DIP2B: variants seen among roughly 807,000 people sequenced by gnomAD.
DIP2B encodes the protein disco-interacting protein 2 homolog B.
A neutral mutation model predicts 198.0 loss-of-function variants in DIP2B; 76 were observed. The observed-to-expected ratio is 0.38, with a 90% CI of 0.32 to 0.46. DIP2B has a LOEUF of 0.46. Ranked by LOEUF, DIP2B falls within the 20% of genes least tolerant of loss-of-function variation. DIP2B has a pLI of 0.99. For missense variants in DIP2B, 1,559 were observed against 1,978.4 expected (o/e 0.79, Z 4.02); for synonymous variants, 701 against 739.1 (o/e 0.95, Z 0.84).
intron 35 of DIP2B, 112 bp downstream of exon 35, chr12:50,737,222 A>C (rs1940153384): frequency 1.0e-6 from 1 of 986,348 alleles, no homozygotes; most frequent in Non-Finnish European, 1.5e-6. Flanking sequence ...TTGTGAATGG[A>C]GTTAATTTTT....
intron 1 of DIP2B, among the ~76,000 whole-genome samples, chr12:50,561,456 A>C (rs967405514): frequency 7.9e-5 from 12 of 152,082 alleles, no homozygotes; most frequent in African/African-American, 2.2e-4. Context: ...GAGAGCTACA[A>C]ATCTGTCTTA....
intron 2 of DIP2B, among the ~76,000 whole-genome samples, chr12:50,632,679 G>A (rs1404128860): frequency 6.6e-6 from 1 of 151,422 alleles, no homozygotes; most frequent in East Asian, 2.0e-4. Flanking sequence ...CAGGATTACA[G>A]GCATGTGCTA....
Position 50,607,943 on chromosome 12 carries a change from G to A in DIP2B, c.101-18033G>A, listed in dbSNP as rs149246739. Among the ~76,000 whole-genome samples the A allele has an allele frequency of 1.7e-3, 255 of 152,214 alleles. 1 individual carries two copies. Among genetic ancestry groups the A allele is most frequent in the Middle Eastern group, 3.4e-3 (1 of 294 alleles). On this transcript the variant is annotated intron_variant, in intron 1 of 37. Coordinates refer to ENST00000301180, the MANE Select transcript of DIP2B (RefSeq NM_173602.3). The stretch of plus-strand genomic sequence containing the variant: ...TGAGTAGCTGGGACTGCAGGTGTGC[G>A]CCACTACGCCCGGCTAATTTTGTAT...
intron 3 of DIP2B, among the ~76,000 whole-genome samples, chr12:50,651,384 C>T (rs933697986): frequency 2.0e-5 from 3 of 152,124 alleles, no homozygotes; most frequent in Non-Finnish European, 2.9e-5. Context: ...TTTGCTGTCG[C>T]GTTCAATAAA....
rs1272766007 is a variant in DIP2B, at chr12:50,744,822, G to T, written c.4714G>T (p.Val1572Leu). The T allele has an allele frequency of 3.1e-6, 5 of 1,614,122 alleles. No individual in the cohort carries two copies. In the Admixed American group the frequency reaches 6.7e-5, roughly 22 times the overall value. Residue 1572 changes from valine to leucine, a missense_variant, in exon 38 of 38, where the codon GTG (valine) becomes TTG (leucine). Coordinates refer to ENST00000301180, the MANE Select transcript of DIP2B (RefSeq NM_173602.3). Reference protein sequence around the residue: ...FLADQLDPIYVAYNM With the variant: ...FLADQLDPIYLAYNM ...AGCTGACCAGTTAGACCCCATCTAC[G>T]TGGCTTATAACATGTAACCAGCCTT...
At chr12:50,730,679 G>T (rs1348515544) in intron 30 of DIP2B, among the ~76,000 whole-genome samples, 1 of 152,142 alleles carries the variant, frequency 6.6e-6, no homozygotes, top group African/African-American at 2.4e-5. Flanking sequence ...GAGCCACCGT[G>T]CCTGGCCACT....
intron 1 of DIP2B, among the ~76,000 whole-genome samples, chr12:50,611,412 A>C (rs1306230789): frequency 6.6e-6 from 1 of 152,156 alleles, no homozygotes; most frequent in Admixed American, 6.5e-5. Flanking sequence ...TTGAGCCTCT[A>C]TTCCTAAGAG....
chr12:50,580,241 A>G (rs1011810735), intron 1 of DIP2B, among the ~76,000 whole-genome samples: 9 of 148,552 alleles, frequency 6.1e-5, no homozygotes, highest in African/African-American at 2.0e-4. Flanking sequence ...AGCACTACAC[A>G]CTGTTGCCCC....
intron 1 of DIP2B, among the ~76,000 whole-genome samples, chr12:50,588,273 T>C (rs573838167): frequency 6.6e-6 from 1 of 152,208 alleles, no homozygotes; most frequent in Admixed American, 6.5e-5. Context: ...TGCCTCAGCC[T>C]CCTGAGTAGC....
intron 1 of DIP2B, among the ~76,000 whole-genome samples, chr12:50,615,784 C>T (rs1390566413): frequency 6.6e-6 from 1 of 152,094 alleles, no homozygotes; most frequent in Non-Finnish European, 1.5e-5. Flanking sequence ...AACTAAGGCA[C>T]AGAGTTGTTA....
At chr12:50,640,638 GA>G (rs1938238994) in intron 2 of DIP2B, 85 bp from the exon 3 acceptor site, 1 of 1,449,280 alleles carries the variant, frequency 6.9e-7, no homozygotes, top group African/African-American at 1.4e-5. Context: ...ACCTAGCTCA[GA>G]GTATTGTGAG....
chr12:50,540,826 C>T (rs1455402828), intron 1 of DIP2B, among the ~76,000 whole-genome samples: 1 of 151,774 alleles, frequency 6.6e-6, no homozygotes, highest in Non-Finnish European at 1.5e-5. Flanking sequence ...CGTGAGCCAC[C>T]GCGCCCAGCC....
At chr12:50,725,032 G>A (rs988974264) in intron 28 of DIP2B, 146 bp downstream of exon 28, 1 of 748,488 alleles carries the variant, frequency 1.3e-6, no homozygotes, top group African/African-American at 1.7e-5. Flanking sequence ...CAGTAAGCTT[G>A]TGCAGGACTA....
At chr12:50,630,456 T>C (rs1395031678) in intron 2 of DIP2B, among the ~76,000 whole-genome samples, 1 of 152,072 alleles carries the variant, frequency 6.6e-6, no homozygotes, top group East Asian at 1.9e-4. Flanking sequence ...TAAAGCTATG[T>C]TATTAGGTAC....
intron 19 of DIP2B, among the ~76,000 whole-genome samples, chr12:50,702,143 A>T (rs531222733): frequency 6.6e-6 from 1 of 152,024 alleles, no homozygotes; most frequent in East Asian, 1.9e-4. Context: ...AGGTCAGGAG[A>T]TCGAGACCAT....
intron 1 of DIP2B, among the ~76,000 whole-genome samples, chr12:50,519,643 C>T (rs1005735419): frequency 4.6e-5 from 7 of 152,098 alleles, no homozygotes; most frequent in African/African-American, 1.4e-4. Flanking sequence ...GAACAGGCCT[C>T]GAGCTTCTGG....
At chr12:50,648,665 CTT>C (rs1235388963) in intron 3 of DIP2B, among the ~76,000 whole-genome samples, 680 of 5,590 alleles carry the variant, frequency 0.12, 16 homozygotes, top group Admixed American at 0.4. Context: ...GCCCAGCCCC[CTT>C]TTTTTTTTTT....
At chr12:50,706,788 A>T (rs1939521464) in intron 21 of DIP2B, 123 bp downstream of exon 21, 2 of 1,158,210 alleles carry the variant, frequency 1.7e-6, no homozygotes, top group Admixed American at 5.4e-5. Context: ...TTTGTTAAGC[A>T]TTGCATAAGC....
chr12:50,635,849 C>T (rs1044668410), intron 2 of DIP2B, among the ~76,000 whole-genome samples: 2 of 152,204 alleles, frequency 1.3e-5, no homozygotes, highest in South Asian at 2.1e-4. Flanking sequence ...CTTTAAATGG[C>T]TATCTCAACA....
Sources: gnomAD v4.1 joint callset for allele counts (sites outside exome capture counted in the v4.1 genomes callset) on GRCh38, gnomAD v4.1.1 for gene constraint, MANE v1.5 for transcripts, NCBI Gene and HGNC (gene_info 2026-07-23, HGNC 2026-07-21) for gene names.